The following SUPT20H variants were observed in gnomAD, a reference collection of about 807,000 sequenced individuals.
SUPT20H encodes the protein transcription factor SPT20 homolog.
SUPT20H carries 82 observed loss-of-function variants against 122.8 expected under a neutral mutation model. The ratio of observed to expected loss-of-function variants is 0.67; its 90% CI spans 0.56 to 0.80. SUPT20H has a LOEUF of 0.80. SUPT20H is among the 30% of genes least tolerant of loss of function. SUPT20H has a pLI of 0.00. For synonymous variants in SUPT20H, 291 were observed against 313.0 expected, an observed-to-expected ratio of 0.93 and a Z score of 0.74; for missense variants, 831 against 921.6, an observed-to-expected ratio of 0.90 and a Z score of 1.27.
At chr13:37,035,823 A>G (rs897176646) in intron 9 of SUPT20H, among the ~76,000 whole-genome samples, 1 of 152,114 alleles carries the variant, frequency 6.6e-6, no homozygotes, top group Non-Finnish European at 1.5e-5. Context: ...AAGCCATGGC[A>G]CCTGGCAAAA....
chr13:37,022,225 A>G lies in SUPT20H; in HGVS notation c.1592-145T>C. 6.4e-7 allele frequency: 1 copy of G among 1,571,136 alleles called. No individual in the cohort carries two copies. The highest frequency in any genetic ancestry group is 8.6e-7 in the Non-Finnish European group (1 of 1,157,668). The stretch of plus-strand genomic sequence containing the variant: ...GAATCTTGGGGAGTAGGGGTGGCTG[A>G]AGGGGTACTAGGAGTTGAGCTCTGA... On this transcript the variant is annotated intron_variant, in intron 19 of 25. Transcript: ENST00000350612. The surrounding 1 kb of genome is among the most constrained non-coding windows in gnomAD (Gnocchi z 4.5).
At chr13:37,031,666 T>C (rs780177246) in intron 11 of SUPT20H, 43 bp from the exon 12 acceptor site, 7 of 1,541,830 alleles carry the variant, frequency 4.5e-6, no homozygotes, top group Admixed American at 2.2e-5. Context: ...AAAAACAATA[T>C]AAATATACTG....
At chr13:37,044,621 G>C (rs1594422610) in intron 6 of SUPT20H, among the ~76,000 whole-genome samples, 1 of 152,076 alleles carries the variant, frequency 6.6e-6, no homozygotes, top group East Asian at 1.9e-4. Context: ...CAAAATTCCA[G>C]CTATGTGAGT....
chr13:37,025,269 GA>G (rs759208166), intron 17 of SUPT20H, 50 bp downstream of exon 17: 5 of 1,411,246 alleles, frequency 3.5e-6, no homozygotes, highest in Non-Finnish European at 5.0e-6. Flanking sequence ...ACATTTCTCA[GA>G]TTACTTGTGA....
Position 37,021,467 on chromosome 13 carries a change from C to T in SUPT20H, c.1797G>A (p.Met599Ile). 6.2e-7 allele frequency: 1 copy of T among 1,611,494 alleles called. No homozygotes were observed. Among genetic ancestry groups the T allele is most frequent in the Non-Finnish European group, 8.5e-7 (1 of 1,178,720 alleles). ...GLLPNALPSA[M>I]QAASQAGVPF... Reference sequence around the variant, plus strand: ...TCTGACCTGCTTGAGAAGCTGCCTGCATTGCACTGGGCAGTGCATTTGGTA... The same window carrying T: ...TCTGACCTGCTTGAGAAGCTGCCTGTATTGCACTGGGCAGTGCATTTGGTA... Residue 599 changes from methionine (M) to isoleucine (I), a missense_variant, in exon 21 of 26, where the codon ATG (methionine) becomes ATA (isoleucine). Coordinates refer to ENST00000350612, the MANE Select transcript of SUPT20H (RefSeq NM_001014286.3).
intron 10 of SUPT20H, 133 bp downstream of exon 10, chr13:37,033,316 C>T (rs1022081918): frequency 1.8e-6 from 2 of 1,114,734 alleles, no homozygotes; most frequent in Non-Finnish European, 2.5e-6. Context: ...GCCTGGGCAA[C>T]AAAGAGAGAC....
intron 7 of SUPT20H, among the ~76,000 whole-genome samples, chr13:37,041,773 C>G (rs2065515775): frequency 6.6e-6 from 1 of 152,124 alleles, no homozygotes; most frequent in Non-Finnish European, 1.5e-5. Flanking sequence ...TTCACAGATA[C>G]AGTAGTCAGA....
chr13:37,011,072 A>G (rs549180074), intron 24 of SUPT20H, among the ~76,000 whole-genome samples: 112 of 152,330 alleles, frequency 7.4e-4, no homozygotes, highest in African/African-American at 2.6e-3. Flanking sequence ...AAGATGCTGC[A>G]ATGAATATCA....
intron 10 of SUPT20H, among the ~76,000 whole-genome samples, chr13:37,032,825 G>A (rs568463404): frequency 5.3e-5 from 8 of 152,276 alleles, no homozygotes; most frequent in Admixed American, 2.0e-4. Context: ...AAAAGATGCC[G>A]AGGGAGGAAT....
chr13:37,058,884 G>T (rs2069891335), intron 1 of SUPT20H, among the ~76,000 whole-genome samples: 1 of 152,110 alleles, frequency 6.6e-6, no homozygotes, highest in African/African-American at 2.4e-5. Flanking sequence ...TTTATAACAT[G>T]GTGATCAACC....
At chr13:37,046,824 A>T (rs1194205567) in intron 5 of SUPT20H, 1 of 152,192 alleles carries the variant, frequency 6.6e-6, no homozygotes, top group Non-Finnish European at 1.5e-5. Context: ...ATACTGTAAG[A>T]TTTACTTATA....
chr13:37,043,988 C>A, intron 7 of SUPT20H, 90 bp downstream of exon 7: 5 of 697,634 alleles, frequency 7.2e-6, no homozygotes, highest in African/African-American at 1.8e-5. Context: ...CGTTTATATA[C>A]ATATATGTAT....
intron 24 of SUPT20H, 53 bp downstream of exon 24, chr13:37,012,139 A>G (rs2059724266): frequency 2.1e-6 from 3 of 1,396,314 alleles, no homozygotes; most frequent in African/African-American, 1.4e-5. Flanking sequence ...GAGATCCCAA[A>G]TAGATTAGAT....
Position 37,022,417 on chromosome 13 carries a change from T to C in SUPT20H, c.1592-337A>G. 1 of 1,290,366 alleles carries C rather than the reference T, an allele frequency of 7.7e-7. No individual in the cohort carries two copies. The highest frequency in any genetic ancestry group is 9.8e-7 in the Non-Finnish European group (1 of 1,020,442). The allele number at this position is 1,290,366 out of a possible 1,614,324, so 79.9% of individuals were successfully genotyped here. ...CTTACTTAGCACTGACAATTTGTTC[T>C]AGTTTTTTTTTTTTTAGCAGTTAAC... On this transcript the variant is annotated intron_variant, in intron 19 of 25. Transcript: ENST00000350612. This position sits in a 1 kb window ranked among gnomAD's most constrained non-coding sequence, Gnocchi z 4.5.
At chr13:37,032,106 G>T (rs983420037) in intron 10 of SUPT20H, among the ~76,000 whole-genome samples, 2 of 152,098 alleles carry the variant, frequency 1.3e-5, no homozygotes, top group African/African-American at 4.8e-5. Context: ...AAGTCCAGAG[G>T]GGGAGGAGAC....
rs2059207575 is a variant in SUPT20H at position 37,009,365 on chromosome 13, T to C, written c.*307A>G. ...TTTGTTAACACTGTGCACAAACGTT[T>C]TATACTAAATAAATATCAAACTACA... is the stretch of plus-strand genomic sequence containing the variant. On this transcript the variant is annotated 3_prime_UTR_variant, in exon 26 of 26. Coordinates refer to ENST00000350612, the MANE Select transcript of SUPT20H (RefSeq NM_001014286.3). 1 of 878,340 alleles carries C rather than the reference T, an allele frequency of 1.1e-6. No individual in the cohort carries two copies. Among genetic ancestry groups the C allele is most frequent in the Non-Finnish European group, 1.8e-6 (1 of 551,312 alleles). The allele number at this position is 878,340 out of a possible 1,614,324, so 54.4% of individuals were successfully genotyped here.
chr13:37,052,117 C>A (rs1159586928), intron 1 of SUPT20H, among the ~76,000 whole-genome samples: 2 of 152,040 alleles, frequency 1.3e-5, no homozygotes, highest in East Asian at 3.9e-4. Flanking sequence ...CCTAAGTACT[C>A]GTAGATTCAA....
chr13:37,024,578 G>A (rs2061890525), intron 17 of SUPT20H, 136 bp from the exon 18 acceptor site: 2 of 534,496 alleles, frequency 3.7e-6, no homozygotes, highest in Non-Finnish European at 6.0e-6. Context: ...ACTCTGCAAA[G>A]TGCTCTTAGT....
chr13:37,029,781 G>A lies in SUPT20H; in HGVS notation c.977C>T (p.Thr326Ile). The A allele has an allele frequency of 6.3e-7, 1 of 1,599,494 alleles. No individual in the cohort carries two copies. Among genetic ancestry groups the A allele is most frequent in the Admixed American group, 1.7e-5 (1 of 57,294 alleles). ...KSIKSDDSQP[T>I]VWPAHDVKDD... ...ATTTCTTACATGGGCTGGCCAGACTGTTGGCTGTGAGTCATCAGATTTGAT... is the reference window on the plus strand; with the variant it reads ...ATTTCTTACATGGGCTGGCCAGACTATTGGCTGTGAGTCATCAGATTTGAT... The change falls in exon 13 of 26, where the codon ACA (threonine) becomes ATA (isoleucine). Residue 326 changes from threonine (T) to isoleucine (I), a missense_variant. Thr to Ile is a moderately conservative substitution (Grantham distance 89). Coordinates refer to ENST00000350612, the MANE Select transcript of SUPT20H (RefSeq NM_001014286.3).
Sources: allele counts gnomAD v4.1 joint callset (sites outside exome capture counted in the v4.1 genomes callset), GRCh38; gene constraint gnomAD v4.1.1; non-coding constraint Gnocchi (gnomAD v3.1); transcripts MANE v1.5; gene names NCBI Gene and HGNC (gene_info 2026-07-23, HGNC 2026-07-21).